Variants in DAAM2 observed in about 807,000 individuals in gnomAD.
The protein encoded by DAAM2 is disheveled-associated activator of morphogenesis 2.
In DAAM2, 39 loss-of-function variants were observed where a neutral mutation model predicts 120.7. That is an observed-to-expected ratio of 0.32 (90% CI 0.25 to 0.42). The LOEUF is 0.42. DAAM2 is among the 10% of genes least tolerant of loss of function. The pLI, the probability that DAAM2 is intolerant of heterozygous loss-of-function variation, is 1.00. For synonymous variants in DAAM2, 488 were observed against 524.9 expected (o/e 0.93, Z 0.96); for missense variants, 1,283 against 1,401.7 (o/e 0.92, Z 1.35).
intron 10 of DAAM2, among the ~76,000 whole-genome samples, chr6:39,874,375 T>C (rs1375386445): frequency 6.6e-6 from 1 of 152,174 alleles, no homozygotes; most frequent in Non-Finnish European, 1.5e-5. Context: ...GTGGACAGGA[T>C]AGATGCAGTG....
In DAAM2 at chr6:39,897,271, T is replaced by C. The variant is rs3004067; in HGVS notation, c.2607T>C (p.Ala869=). The C allele has an allele frequency of 0.63, 1,014,458 of 1,602,868 alleles. 325,204 individuals carry two copies. Among genetic ancestry groups the C allele is most frequent in the East Asian group, 0.85 (38,159 of 44,806 alleles). Reference sequence around the variant, plus strand: ...CAGAGCTGCAACATCTTCCAGAAGCTGCCAAAGTCAAGTGAGGGTTCTCTC... The same window carrying C: ...CAGAGCTGCAACATCTTCCAGAAGCCGCCAAAGTCAAGTGAGGGTTCTCTC... ...MPSELQHLPE[A]AKVNLAELEK... is the part of the protein sequence containing the mutation. Residue 869 remains alanine, a synonymous_variant, in exon 21 of 25, where the codon GCT becomes GCC. Coordinates refer to ENST00000274867, the MANE Select transcript of DAAM2 (RefSeq NM_001201427.2).
In DAAM2 at chr6:39,860,932, A is replaced by G. The variant is rs1179808756; in HGVS notation, c.173A>G (p.Glu58Gly). Residue 58 changes from glutamate (E) to glycine (G), a missense_variant, in exon 3 of 25, where the codon GAA becomes GGA. Physicochemically the swap from Glu to Gly is moderately conservative, Grantham distance 98. Transcript: ENST00000274867. ...TTTTTCTTATTGTCTTTGCAGGATG[A>G]ATTGGATCTCACTGACAAAAACCGA... is the stretch of plus-strand genomic sequence containing the variant. ...LNIRFAELVDELDLTDKNREA... is the reference protein window; with the variant it reads ...LNIRFAELVDGLDLTDKNREA... 1 of 1,612,434 alleles carries G rather than the reference A, an allele frequency of 6.2e-7. No homozygotes were observed. Among genetic ancestry groups the G allele is most frequent in the Non-Finnish European group, 8.5e-7 (1 of 1,179,250 alleles).
intron 5 of DAAM2, 126 bp downstream of exon 5, chr6:39,865,200 C>G (rs893213098): frequency 1.5e-6 from 1 of 660,850 alleles, no homozygotes; most frequent in African/African-American, 1.8e-5. Flanking sequence ...CCTCACCTGA[C>G]TTCACTTCCC....
In DAAM2 at chr6:39,897,161, A is replaced by C; in HGVS notation, c.2511-14A>C. The C allele has an allele frequency of 1.2e-6, 2 of 1,600,608 alleles. No homozygotes were observed. The highest frequency in any genetic ancestry group is 1.7e-6 in the Non-Finnish European group (2 of 1,168,008). On this transcript the variant is annotated splice_polypyrimidine_tract_variant and intron_variant, in intron 20 of 24. Transcript: ENST00000274867. ...TCCTCTGTCACTTACCACTGACCTG[A>C]CTTTCATCCACAGAAACATCTCTCT...
intron 14 of DAAM2, among the ~76,000 whole-genome samples, chr6:39,880,296 C>T (rs924454534): frequency 6.6e-6 from 1 of 151,164 alleles, no homozygotes; most frequent in Middle Eastern, 3.4e-3. Flanking sequence ...TGGACTGGCT[C>T]TTGGGGAACT....
At chr6:39,883,294 C>A (rs1765220283) in intron 14 of DAAM2, among the ~76,000 whole-genome samples, 1 of 151,856 alleles carries the variant, frequency 6.6e-6, no homozygotes, top group Non-Finnish European at 1.5e-5. Flanking sequence ...AATGTAAAAC[C>A]CTGGACATAT....
At chr6:39,868,213 A>G (rs1764508852) in intron 6 of DAAM2, 1 of 280,868 alleles carries the variant, frequency 3.6e-6, no homozygotes, top group South Asian at 5.1e-5. Flanking sequence ...AATTGCTGAG[A>G]TTGAGATTTT....
At chr6:39,892,198 C>G (rs941687336) in intron 19 of DAAM2, among the ~76,000 whole-genome samples, 1 of 152,232 alleles carries the variant, frequency 6.6e-6, no homozygotes, top group African/African-American at 2.4e-5. Flanking sequence ...GAGTCAGGAA[C>G]ACTTCCAATA....
chr6:39,885,551 T>G (rs1023353945), intron 15 of DAAM2: 3 of 152,324 alleles, frequency 2.0e-5, no homozygotes, highest in Admixed American at 6.5e-5. Context: ...AGGTTATGGA[T>G]TTTGTACAAA....
chr6:39,901,712 C>G lies in DAAM2; in HGVS notation c.2983-101C>G. 1 of 1,159,438 alleles carries G rather than the reference C, an allele frequency of 8.6e-7. No individual in the cohort carries two copies. Among genetic ancestry groups the G allele is most frequent in the East Asian group, 2.6e-5 (1 of 39,034 alleles). 71.8% of individuals were successfully genotyped at this position (1,159,438 alleles called of 1,614,324 possible). ...AGTGGGGCCAACAGATACAGGCAGGCAGCATGACCATGGCCTAGGAGTTAG... is the reference window on the plus strand; with the variant it reads ...AGTGGGGCCAACAGATACAGGCAGGGAGCATGACCATGGCCTAGGAGTTAG... On this transcript the variant is annotated intron_variant, in intron 24 of 24. Coordinates refer to ENST00000274867, the MANE Select transcript of DAAM2 (RefSeq NM_001201427.2). This position sits in a 1 kb window ranked among gnomAD's most constrained non-coding sequence, Gnocchi z 4.5.
chr6:39,891,201 G>T (rs1765693471), intron 17 of DAAM2, 140 bp from the exon 18 acceptor site: 1 of 617,134 alleles, frequency 1.6e-6, no homozygotes, highest in Admixed American at 2.7e-5. Context: ...GCAGATGAAA[G>T]AAATCTGTCC....
chr6:39,814,448 G>GGTTGGC (rs1252231249), intron 1 of DAAM2, among the ~76,000 whole-genome samples: 1 of 152,174 alleles, frequency 6.6e-6, no homozygotes, highest in African/African-American at 2.4e-5. Flanking sequence ...CCTTTGTTGG[G>GGTTGGC]GTTGGCGTTG....
chr6:39,872,534 T>C (rs1764703153), intron 9 of DAAM2, among the ~76,000 whole-genome samples: 1 of 152,184 alleles, frequency 6.6e-6, no homozygotes, highest in Non-Finnish European at 1.5e-5. Context: ...GCAAACTAAA[T>C]TGTATTTTCA....
At chr6:39,856,866 C>T (rs1764027606) in intron 2 of DAAM2, among the ~76,000 whole-genome samples, 1 of 152,150 alleles carries the variant, frequency 6.6e-6, no homozygotes, top group African/African-American at 2.4e-5. Flanking sequence ...GTCCGAGGCA[C>T]AAAGAAGGGA....
Position 39,878,326 on chromosome 6 carries a change from C to T in DAAM2, c.1360+65C>T, listed in dbSNP as rs189401197. On this transcript the variant is annotated intron_variant, in intron 12 of 24. Coordinates refer to ENST00000274867, the MANE Select transcript of DAAM2 (RefSeq NM_001201427.2). This position sits in a 1 kb window ranked among gnomAD's most constrained non-coding sequence, Gnocchi z 5.0. ...CCCTTCCCCTGCCCAGCCCATAACT[C>T]CATGCCCTTCCAGGCAGGGAGTCAC... The T allele has an allele frequency of 2.0e-5, 32 of 1,610,678 alleles. No individual in the cohort carries two copies. In the East Asian group the frequency reaches 7.1e-4, roughly 36 times the overall value.
intron 17 of DAAM2, among the ~76,000 whole-genome samples, chr6:39,890,521 A>G (rs1440599216): frequency 6.6e-6 from 1 of 152,204 alleles, no homozygotes; most frequent in Admixed American, 6.5e-5. Flanking sequence ...AAGAGAGCAT[A>G]CAGCATGAGT....
chr6:39,864,357 A>C, intron 3 of DAAM2, 76 bp from the exon 4 acceptor site: 1 of 1,147,052 alleles, frequency 8.7e-7, no homozygotes, highest in South Asian at 1.3e-5. Context: ...CTCTGCTGAC[A>C]CGGAATGAAG....
intron 1 of DAAM2, among the ~76,000 whole-genome samples, chr6:39,810,487 C>T (rs550482088): frequency 2.0e-5 from 3 of 152,328 alleles, no homozygotes; most frequent in African/African-American, 7.2e-5. Context: ...GCTGTGGGTG[C>T]TCCAGCTAAT....
Position 39,901,132 on chromosome 6 carries a change from A to C in DAAM2, c.2812-170A>C, listed in dbSNP as rs1252354217. ...CTGCCTCTCCTTAGCCTTGTCTCTG[A>C]TCCTGATGATGATGGGGGTGTCTTC... On this transcript the variant is annotated intron_variant, in intron 23 of 24. Coordinates refer to ENST00000274867, the MANE Select transcript of DAAM2 (RefSeq NM_001201427.2). The surrounding 1 kb of genome is among the most constrained non-coding windows in gnomAD (Gnocchi z 4.5). 6.6e-6 allele frequency among the ~76,000 whole-genome samples: 1 copy of C among 151,906 alleles called. No individual in the cohort carries two copies. The highest frequency in any genetic ancestry group is 1.5e-5 in the Non-Finnish European group (1 of 67,988).
Sources: gnomAD v4.1 joint callset for allele counts (sites outside exome capture counted in the v4.1 genomes callset) on GRCh38, gnomAD v4.1.1 for gene constraint, Gnocchi (gnomAD v3.1) non-coding constraint, MANE v1.5 for transcripts, NCBI Gene and HGNC (gene_info 2026-07-23, HGNC 2026-07-21) for gene names.